The following MSN variants were observed in gnomAD, a reference collection of about 807,000 sequenced individuals.
MSN encodes moesin, also known as epididymis luminal protein 70.
MSN carries 2 observed loss-of-function variants against 48.0 expected under a neutral mutation model. The observed-to-expected ratio is 0.04, with a 90% CI of 0.02 to 0.13. The LOEUF (loss-of-function observed/expected upper bound fraction) is 0.13. MSN is among the 10% of genes least tolerant of loss of function. The pLI is 1.00. For synonymous variants in MSN, 146 were observed against 166.9 expected (o/e 0.87, Z 0.97); for missense variants, 267 against 470.1 (o/e 0.57, Z 3.99).
chrX:65,654,102 T>TC (rs1328083306), intron 1 of MSN, among the ~76,000 whole-genome samples: 27 of 93,042 alleles, frequency 2.9e-4, no homozygotes, highest in African/African-American at 1.1e-3. Context: ...TGGAGACCCT[T>TC]CTTTTTTTTT....
Position 65,622,471 on chromosome X carries a change from G to A in MSN, c.-22+33859G>A, listed in dbSNP as rs181180089. 5.9e-5 allele frequency among the ~76,000 whole-genome samples: 6 copies of A among 102,049 alleles called. No homozygotes were observed. In the East Asian group the frequency reaches 1.9e-3, roughly 32 times the overall value. 88.6% of individuals were successfully genotyped at this position (102,049 alleles called of 115,157 possible). ...CTTATTGCTCTAGCCAGAACTTCTA[G>A]TACAATTTTGAATAGCAGTGATGAA... On this transcript the variant is annotated intron_variant, in intron 1 of 3. Transcript: ENST00000609672.
chrX:65,664,442 T>C (rs181140419), upstream of MSN, among the ~76,000 whole-genome samples: 7 of 111,926 alleles, frequency 6.3e-5, no homozygotes, highest in East Asian at 1.7e-3. Context: ...AAATAAAACA[T>C]GAGAAAATAA....
intron 1 of MSN, among the ~76,000 whole-genome samples, chrX:65,639,962 G>A (rs753448865): frequency 8.9e-6 from 1 of 111,794 alleles, no homozygotes; most frequent in Non-Finnish European, 1.9e-5. Flanking sequence ...GCCAGGTGCT[G>A]TGCTAGATGC....
chrX:65,644,492 C>A (rs2070680842), intron 1 of MSN, among the ~76,000 whole-genome samples: 1 of 111,690 alleles, frequency 9.0e-6, no homozygotes, highest in Non-Finnish European at 1.9e-5. Flanking sequence ...TATCACTGAC[C>A]AACCACCTCT....
intron 3 of MSN, among the ~76,000 whole-genome samples, chrX:65,728,829 G>A (rs968933968): frequency 5.4e-5 from 6 of 111,179 alleles, no homozygotes; most frequent in Admixed American, 9.6e-5. Flanking sequence ...TTCCATCTTC[G>A]TATCCTCAAA....
At chrX:65,633,972 C>T (rs771017541) in intron 1 of MSN, among the ~76,000 whole-genome samples, 26 of 111,695 alleles carry the variant, frequency 2.3e-4, no homozygotes, top group Non-Finnish European at 4.3e-4. Flanking sequence ...GTCTTACCAC[C>T]AGACCACATC....
intron 1 of MSN, among the ~76,000 whole-genome samples, chrX:65,620,429 C>T (rs755622731): frequency 5.3e-5 from 6 of 113,958 alleles, no homozygotes; most frequent in East Asian, 5.6e-4. Flanking sequence ...TTTCCAAGCC[C>T]GTCGGAAAAG....
At chrX:65,699,519 G>C (rs56101841) in intron 1 of MSN, among the ~76,000 whole-genome samples, 2 of 111,483 alleles carry the variant, frequency 1.8e-5, no homozygotes, top group Non-Finnish European at 3.8e-5. Flanking sequence ...GGAGGCCGAG[G>C]CGGGTGGATC....
In MSN at chrX:65,741,620, T is replaced by C; in HGVS notation, c.*1727T>C. 5.9e-6 allele frequency: 1 copy of C among 170,923 alleles called. No individual in the cohort carries two copies. The allele number at this position is 170,923 out of a possible 1,213,427, so 14.1% of individuals were successfully genotyped here. A position where few individuals can be genotyped will look rare whatever the true frequency, so the allele number is the denominator to read the frequency against. Reference sequence around the variant, plus strand: ...CATGCAGTGCCCCTAGCTTAGAGCCTCCCTCAATTCCCCCTGGCCACCACC... The same window carrying C: ...CATGCAGTGCCCCTAGCTTAGAGCCCCCCTCAATTCCCCCTGGCCACCACC... On this transcript the variant is annotated 3_prime_UTR_variant, in exon 13 of 13. Transcript: ENST00000360270.
At chrX:65,667,974 T>C in intron 1 of MSN, 121 bp downstream of exon 1, 1 of 806,746 alleles carries the variant, frequency 1.2e-6, no homozygotes, top group Non-Finnish European at 1.8e-6. Context: ...CCCTCCGCCA[T>C]AGCCAAGGGT....
At chrX:65,695,100 GT>G in intron 1 of MSN, among the ~76,000 whole-genome samples, 1 of 93,222 alleles carries the variant, frequency 1.1e-5, no homozygotes, top group African/African-American at 7.5e-5. Flanking sequence ...GTGTGTGTGT[GT>G]GTGTGTGTGG....
intron 1 of MSN, among the ~76,000 whole-genome samples, chrX:65,599,435 C>T (rs2070214370): frequency 1.8e-5 from 2 of 112,519 alleles, no homozygotes; most frequent in Admixed American, 9.4e-5. Context: ...GAGATCGAGA[C>T]CATCCTGGCC....
intron 1 of MSN, among the ~76,000 whole-genome samples, chrX:65,710,803 T>C (rs1437453163): frequency 4.5e-5 from 5 of 110,210 alleles, no homozygotes; most frequent in African/African-American, 1.3e-4. Context: ...CTCTGCCTCC[T>C]GGGTTCAAGC....
chrX:65,701,759 C>T (rs1013079082), intron 1 of MSN, among the ~76,000 whole-genome samples: 15 of 111,941 alleles, frequency 1.3e-4, no homozygotes, highest in Admixed American at 8.5e-4. Context: ...TATTGGTAGA[C>T]CTGGATCTTG....
At chrX:65,672,891 T>C (rs1431935497) in intron 1 of MSN, among the ~76,000 whole-genome samples, 2 of 111,900 alleles carry the variant, frequency 1.8e-5, no homozygotes, top group East Asian at 5.6e-4. Context: ...TTTGGGTACC[T>C]TCTATGTGCC....
intron 1 of MSN, among the ~76,000 whole-genome samples, chrX:65,660,662 G>T (rs1329959922): frequency 9.2e-6 from 1 of 109,205 alleles, no homozygotes; most frequent in African/African-American, 3.3e-5. Flanking sequence ...CACCTCCTGG[G>T]TTCAAGCAAT....
At chrX:65,646,994 C>CATACATACATTCACA (rs2070699241) in intron 1 of MSN, among the ~76,000 whole-genome samples, 3 of 111,023 alleles carry the variant, frequency 2.7e-5, no homozygotes, top group Non-Finnish European at 5.7e-5. Context: ...GTATGAGGTA[C>CATACATACATTCACA]AAGGCCCTTT....
At chrX:65,694,156 G>C (rs1053532589) in intron 1 of MSN, among the ~76,000 whole-genome samples, 1 of 110,897 alleles carries the variant, frequency 9.0e-6, no homozygotes, top group African/African-American at 3.3e-5. Context: ...TCAAGAGTAT[G>C]AGTATATCTA....
At chrX:65,615,743 C>A (rs2070364784) in intron 1 of MSN, among the ~76,000 whole-genome samples, 2 of 110,186 alleles carry the variant, frequency 1.8e-5, no homozygotes, top group Admixed American at 2.0e-4. Context: ...TCTTTTGTTG[C>A]CATTGCTTTT....
Sources: gnomAD v4.1 joint callset for allele counts (sites outside exome capture counted in the v4.1 genomes callset) on GRCh38, gnomAD v4.1.1 for gene constraint, MANE v1.5 for transcripts, NCBI Gene and HGNC (gene_info 2026-07-23, HGNC 2026-07-21) for gene names.